Variants in RIMBP2 observed in about 807,000 individuals in gnomAD.
RIMBP2 encodes the protein RIMS-binding protein 2.
In RIMBP2, 48 loss-of-function variants were observed where a neutral mutation model predicts 118.6. The ratio of observed to expected loss-of-function variants is 0.40; its 90% CI spans 0.32 to 0.51. RIMBP2 has a LOEUF of 0.51. Ranked by LOEUF, RIMBP2 falls within the 20% of genes least tolerant of loss-of-function variation. The pLI is 0.41. For synonymous variants in RIMBP2, 762 were observed against 742.9 expected (o/e 1.03, Z -0.42); for missense variants, 1,551 against 1,768.3 (o/e 0.88, Z 2.20).
At chr12:130,468,499 G>A (rs12424535) in intron 6 of RIMBP2, among the ~76,000 whole-genome samples, 13,306 of 151,870 alleles carry the variant, frequency 0.088, 750 homozygotes, top group East Asian at 0.19. Context: ...TTCCTTCCAC[G>A]AACTCACCAT....
chr12:130,647,267 G>A (rs2063029358), intron 1 of RIMBP2, among the ~76,000 whole-genome samples: 1 of 152,164 alleles, frequency 6.6e-6, no homozygotes, highest in Admixed American at 6.5e-5. Context: ...GGACGCTGAG[G>A]CAGGAGACTC....
At chr12:130,650,273 C>G (rs2063177442) in intron 1 of RIMBP2, among the ~76,000 whole-genome samples, 1 of 152,176 alleles carries the variant, frequency 6.6e-6, no homozygotes. Flanking sequence ...CAGCAGCCAG[C>G]TGCCGGGTCC....
At chr12:130,433,893 T>C (rs575427364) in intron 14 of RIMBP2, among the ~76,000 whole-genome samples, 6 of 152,254 alleles carry the variant, frequency 3.9e-5, no homozygotes, top group South Asian at 4.1e-4. Context: ...TTAAACGACT[T>C]TGTTGTCTTA....
intron 4 of RIMBP2, among the ~76,000 whole-genome samples, chr12:130,479,924 G>T (rs140627609): frequency 6.6e-6 from 1 of 151,510 alleles, no homozygotes; most frequent in Non-Finnish European, 1.5e-5. Flanking sequence ...CCCCTCTGAC[G>T]GGTCTCACGA....
intron 1 of RIMBP2, among the ~76,000 whole-genome samples, chr12:130,629,997 C>T (rs1313171845): frequency 1.2e-5 from 1 of 80,428 alleles, no homozygotes; most frequent in Admixed American, 1.2e-4. Context: ...AAAAAAGCAA[C>T]AAGTCTAACA....
At chr12:130,541,985 G>A (rs1320054155) in intron 2 of RIMBP2, among the ~76,000 whole-genome samples, 1 of 152,224 alleles carries the variant, frequency 6.6e-6, no homozygotes, top group Non-Finnish European at 1.5e-5. Flanking sequence ...ACCATACTCA[G>A]GGGCTCTAAG....
At chr12:130,591,351 A>G (rs1009179100) in intron 2 of RIMBP2, among the ~76,000 whole-genome samples, 1 of 152,192 alleles carries the variant, frequency 6.6e-6, no homozygotes, top group African/African-American at 2.4e-5. Context: ...ACTCAGTGAC[A>G]GAGGATTCAT....
chr12:130,412,824 T>C lies in RIMBP2; in HGVS notation c.3421-37A>G, dbSNP rs1355926575. ...GGGGAAAATAAATCAAGCACTGTAATTGATTGGTTCAGAAATACAATAGTC... is the reference window on the plus strand; with the variant it reads ...GGGGAAAATAAATCAAGCACTGTAACTGATTGGTTCAGAAATACAATAGTC... On this transcript the variant is annotated intron_variant, in intron 18 of 22. Coordinates refer to ENST00000690449, the MANE Select transcript of RIMBP2 (RefSeq NM_001393629.1). The C allele has an allele frequency of 2.5e-6, 4 of 1,583,048 alleles. No homozygotes were observed. In the Admixed American group the frequency reaches 5.4e-5, roughly 21 times the overall value.
intron 2 of RIMBP2, among the ~76,000 whole-genome samples, chr12:130,589,041 A>C (rs1034175405): frequency 6.6e-6 from 1 of 152,244 alleles, no homozygotes; most frequent in Admixed American, 6.5e-5. Flanking sequence ...TTTCTGTCCT[A>C]AGAGAAGTCG....
intron 2 of RIMBP2, among the ~76,000 whole-genome samples, chr12:130,569,935 A>G (rs982834572): frequency 4.6e-5 from 7 of 152,220 alleles, no homozygotes; most frequent in African/African-American, 1.7e-4. Context: ...AATGGTTTAT[A>G]TAAATAATGA....
chr12:130,481,209 G>GGTGGTGAGGGCGGGGGCACCC (rs2081984002), intron 4 of RIMBP2, among the ~76,000 whole-genome samples: 17 of 152,208 alleles, frequency 1.1e-4, no homozygotes, highest in Admixed American at 2.6e-4. Flanking sequence ...GGAGGAGGCA[G>GGTGGTGAGGGCGGGGGCACCC]ACAGGCTGAT....
intron 1 of RIMBP2, chr12:130,660,218 C>A (rs2136335355): frequency 6.7e-6 from 1 of 148,442 alleles, no homozygotes; most frequent in East Asian, 2.0e-4. Flanking sequence ...CATTTCTGTT[C>A]AGTCAAGCCA....
intron 1 of RIMBP2, chr12:130,651,608 G>A (rs1443339532): frequency 1.3e-5 from 2 of 152,218 alleles, no homozygotes; most frequent in African/African-American, 4.8e-5. Flanking sequence ...CCAGAAGAAA[G>A]CAAAACTTCA....
Position 130,683,348 on chromosome 12 carries a change from G to A in RIMBP2, c.-352+32874C>T, listed in dbSNP as rs1030694296. On this transcript the variant is annotated intron_variant, in intron 1 of 22. Transcript: ENST00000690449. The surrounding 1 kb of genome is among the most constrained non-coding windows in gnomAD (Gnocchi z 4.4). ...GCCTCCAGGGGGAAGGCAGCTCTGC[G>A]GACACCCTGACCTCAGGCTTCCAGC... 3.3e-5 allele frequency among the ~76,000 whole-genome samples: 5 copies of A among 152,322 alleles called. No homozygotes were observed. The highest frequency in any genetic ancestry group is 2.6e-4 in the Admixed American group (4 of 15,294).
Position 130,414,206 on chromosome 12 carries a change from A to G in RIMBP2, c.3339T>C (p.Phe1113=). The change falls in exon 18 of 23, where the codon TTT becomes TTC. Residue 1113 remains phenylalanine, a synonymous_variant. Transcript: ENST00000690449. ...GGGACATGGTGAGCGGGTCGTAGTC[A>G]AAGAGAGCCACAAAGATCCGGGCCG... ...ELPARIFVAL[F]DYDPLTMSPN... 6.2e-7 allele frequency: 1 copy of G among 1,614,220 alleles called. No homozygotes were observed. The highest frequency in any genetic ancestry group is 8.5e-7 in the Non-Finnish European group (1 of 1,180,028).
At chr12:130,463,922 T>C (rs12304224) in intron 6 of RIMBP2, among the ~76,000 whole-genome samples, 42,807 of 150,582 alleles carry the variant, frequency 0.28, 7,333 homozygotes, top group Non-Finnish European at 0.36. Flanking sequence ...GACCGCTGGT[T>C]GTCCTCACAG....
chr12:130,656,576 GC>G (rs113103698), intron 1 of RIMBP2, among the ~76,000 whole-genome samples: 62,459 of 151,762 alleles, frequency 0.41, 14,186 homozygotes, highest in African/African-American at 0.6. Context: ...AGGAGAATCT[GC>G]CCCGGGCTCC....
At chr12:130,543,914 T>C (rs1047117757) in intron 2 of RIMBP2, among the ~76,000 whole-genome samples, 19 of 152,214 alleles carry the variant, frequency 1.2e-4, no homozygotes, top group African/African-American at 3.9e-4. Context: ...ACTCAGGATG[T>C]TGATTTAATA....
intron 2 of RIMBP2, among the ~76,000 whole-genome samples, chr12:130,615,131 T>C (rs1345408945): frequency 6.8e-6 from 1 of 147,506 alleles, no homozygotes; most frequent in Non-Finnish European, 1.5e-5. Context: ...GTGTATTATG[T>C]ATACATTATG....
Sources: gnomAD v4.1 joint callset for allele counts (sites outside exome capture counted in the v4.1 genomes callset) on GRCh38, gnomAD v4.1.1 for gene constraint, Gnocchi (gnomAD v3.1) non-coding constraint, MANE v1.5 for transcripts, NCBI Gene and HGNC (gene_info 2026-07-23, HGNC 2026-07-21) for gene names.